The following SYT13 variants were observed in gnomAD, a reference collection of about 807,000 sequenced individuals.
The protein encoded by SYT13 is synaptotagmin-13.
SYT13 carries 21 observed loss-of-function variants against 38.6 expected under a neutral mutation model. The observed-to-expected ratio is 0.54, with a 90% CI of 0.39 to 0.78. The LOEUF (loss-of-function observed/expected upper bound fraction) is 0.78. Ranked by LOEUF, SYT13 falls within the 30% of genes least tolerant of loss-of-function variation. The probability of loss-of-function intolerance (pLI) is 0.00; values close to 1 mark genes in which losing one functional copy is unlikely to be tolerated. For missense variants in SYT13, 495 were observed against 548.7 expected (o/e 0.90, Z 0.98); for synonymous variants, 241 against 237.6 (o/e 1.01, Z -0.13).
chr11:45,271,081 T>TATG (rs1854943836), intron 1 of SYT13, among the ~76,000 whole-genome samples: 1 of 152,176 alleles, frequency 6.6e-6, no homozygotes, highest in South Asian at 2.1e-4. Context: ...ACTAGGTGCT[T>TATG]ATGCTACAAT....
At chr11:45,275,402 A>C (rs1398915300) in intron 1 of SYT13, among the ~76,000 whole-genome samples, 2 of 152,120 alleles carry the variant, frequency 1.3e-5, no homozygotes, top group Non-Finnish European at 2.9e-5. Context: ...ATTCATATTC[A>C]TATATGCAAC....
intron 1 of SYT13, chr11:45,269,260 AG>A (rs1854920528): frequency 3.1e-6 from 1 of 323,396 alleles, no homozygotes; most frequent in Non-Finnish European, 5.7e-6. Flanking sequence ...TGAGAGGAGG[AG>A]GGTGAATGTT....
intron 4 of SYT13, among the ~76,000 whole-genome samples, chr11:45,246,774 A>G (rs1854619374): frequency 6.6e-6 from 1 of 152,192 alleles, no homozygotes; most frequent in African/African-American, 2.4e-5. Context: ...AATCCAACAT[A>G]CAAAACAGAA....
intron 1 of SYT13, among the ~76,000 whole-genome samples, chr11:45,274,247 A>T (rs570765201): frequency 6.6e-6 from 1 of 152,230 alleles, no homozygotes; most frequent in South Asian, 2.1e-4. Context: ...CAAGGCTACA[A>T]TGTGGTGGGA....
In SYT13 at chr11:45,240,814, C is replaced by T. The variant is rs2135879510; in HGVS notation, c.*3238G>A. 6.6e-6 allele frequency: 1 copy of T among 152,328 alleles called. No homozygotes were observed. The highest frequency in any genetic ancestry group is 6.5e-5 in the Admixed American group (1 of 15,304). 9.4% of individuals were successfully genotyped at this position (152,328 alleles called of 1,614,324 possible). A position where few individuals can be genotyped will look rare whatever the true frequency, so the allele number is the denominator to read the frequency against. On this transcript the variant is annotated 3_prime_UTR_variant, in exon 6 of 6. Coordinates refer to ENST00000020926, the MANE Select transcript of SYT13 (RefSeq NM_020826.3). Reference sequence around the variant, plus strand: ...CAGTGCATTCTGAAATGGTCTCTCACCTTATTTTTACCTCTACCTCACACC... The same window carrying T: ...CAGTGCATTCTGAAATGGTCTCTCATCTTATTTTTACCTCTACCTCACACC...
chr11:45,274,598 G>A (rs954087079), intron 1 of SYT13, among the ~76,000 whole-genome samples: 8 of 152,148 alleles, frequency 5.3e-5, no homozygotes, highest in African/African-American at 1.7e-4. Flanking sequence ...GGGTGCAGGG[G>A]GCATTCAGAA....
At position 45,248,802 on chromosome 11, in the gene SYT13, G is replaced by T. The variant is rs1033232749; in HGVS notation, c.847-2290C>A. ...GAGGAGTCAGCACCTGTCAGCCTCT[G>T]CAGGGCTTTTCACTTTTGCATAGGG... On this transcript the variant is annotated intron_variant, in intron 4 of 5. Coordinates refer to ENST00000020926, the MANE Select transcript of SYT13 (RefSeq NM_020826.3). Among the ~76,000 whole-genome samples, 7 of 152,342 alleles carry T rather than the reference G, an allele frequency of 4.6e-5. No individual in the cohort carries two copies. The East Asian group carries it at 1.2e-3, about 25-fold the overall frequency.
chr11:45,247,249 C>T (rs1443469297), intron 4 of SYT13, among the ~76,000 whole-genome samples: 1 of 152,154 alleles, frequency 6.6e-6, no homozygotes, highest in Non-Finnish European at 1.5e-5. Flanking sequence ...AAAGACCCCT[C>T]CTAGGAGGTG....
rs116999783 is a variant in SYT13, at chr11:45,281,349, T to C, written c.183+4676A>G. ...TGTAGAGTTTGATCACATGTGACAG[T>C]GGGTGGCTGGGGATATGGACAGAAG... On this transcript the variant is annotated intron_variant, in intron 1 of 5. Coordinates refer to ENST00000020926, the MANE Select transcript of SYT13 (RefSeq NM_020826.3). 6.5e-3 allele frequency among the ~76,000 whole-genome samples: 991 copies of C among 152,184 alleles called. 6 individuals carry two copies. The highest frequency in any genetic ancestry group is 0.011 in the Non-Finnish European group (716 of 67,998).
chr11:45,261,913 C>CT (rs776350586), intron 1 of SYT13, among the ~76,000 whole-genome samples: 2 of 112,612 alleles, frequency 1.8e-5, no homozygotes, highest in African/African-American at 6.1e-5. Context: ...AAGACCTTGT[C>CT]TCAAAAAAAA....
chr11:45,275,320 G>T lies in SYT13; in HGVS notation c.183+10705C>A, dbSNP rs79105559. On this transcript the variant is annotated intron_variant, in intron 1 of 5. Coordinates refer to ENST00000020926, the MANE Select transcript of SYT13 (RefSeq NM_020826.3). Reference sequence around the variant, plus strand: ...ATGAAATATGTCAAAATATTCTAGGGTCTATGCCAGATGGACTGACTCAAT... The same window carrying T: ...ATGAAATATGTCAAAATATTCTAGGTTCTATGCCAGATGGACTGACTCAAT... Among the ~76,000 whole-genome samples, 357 of 152,260 alleles carry T rather than the reference G, an allele frequency of 2.3e-3. 4 individuals carry two copies. The highest frequency in any genetic ancestry group is 8.1e-3 in the African/African-American group (337 of 41,542).
intron 1 of SYT13, among the ~76,000 whole-genome samples, chr11:45,259,981 T>C (rs1854795839): frequency 6.6e-6 from 1 of 152,254 alleles, no homozygotes; most frequent in South Asian, 2.1e-4. Flanking sequence ...ACTGTTCTTA[T>C]TGTTTAAGCC....
rs574908953 is a variant in SYT13 at position 45,267,292 on chromosome 11, A to G, written c.184-11401T>C. Among the ~76,000 whole-genome samples the G allele has an allele frequency of 7.9e-5, 12 of 152,256 alleles. No homozygotes were observed. In the East Asian group the frequency reaches 2.1e-3, roughly 27 times the overall value. Reference sequence around the variant, plus strand: ...CTCCCATTTCTAGTGAGCCTTGACCATTCCTCCACGTTTCTGTGCCCCTAA... The same window carrying G: ...CTCCCATTTCTAGTGAGCCTTGACCGTTCCTCCACGTTTCTGTGCCCCTAA... On this transcript the variant is annotated intron_variant, in intron 1 of 5. Coordinates refer to ENST00000020926, the MANE Select transcript of SYT13 (RefSeq NM_020826.3).
chr11:45,259,322 A>G (rs2135896013), intron 1 of SYT13, among the ~76,000 whole-genome samples: 1 of 152,304 alleles, frequency 6.6e-6, no homozygotes, highest in South Asian at 2.1e-4. Flanking sequence ...TTTCATCCCA[A>G]TTCAATCGTC....
intron 4 of SYT13, among the ~76,000 whole-genome samples, chr11:45,250,569 AC>A (rs1398544210): frequency 2.0e-5 from 3 of 152,192 alleles, no homozygotes; most frequent in Non-Finnish European, 4.4e-5. Context: ...AAGCTAGTTT[AC>A]TAGTTTAATA....
intron 1 of SYT13, among the ~76,000 whole-genome samples, chr11:45,272,585 G>T (rs1854962365): frequency 6.6e-6 from 1 of 152,196 alleles, no homozygotes; most frequent in South Asian, 2.1e-4. Flanking sequence ...TTTTAAATGA[G>T]ATGCAAACCT....
At chr11:45,277,780 T>C (rs1162769597) in intron 1 of SYT13, among the ~76,000 whole-genome samples, 1 of 152,224 alleles carries the variant, frequency 6.6e-6, no homozygotes, top group Non-Finnish European at 1.5e-5. Flanking sequence ...TCTTGTAAGG[T>C]ACTCTTGTAA....
intron 1 of SYT13, among the ~76,000 whole-genome samples, chr11:45,264,525 C>T (rs1325113186): frequency 6.6e-6 from 1 of 152,166 alleles, no homozygotes; most frequent in Non-Finnish European, 1.5e-5. Flanking sequence ...CTGCCAACAA[C>T]CACAAGAGCA....
In SYT13 at chr11:45,254,187, G is replaced by A. The variant is rs547391566; in HGVS notation, c.544+83C>T. ...TCCTAATCCAGTGCTCTCTCCAGCT[G>A]CAGATGATCCCATCCTGCCTGCACA... On this transcript the variant is annotated intron_variant, in intron 3 of 5. Coordinates refer to ENST00000020926, the MANE Select transcript of SYT13 (RefSeq NM_020826.3). 7 of 1,466,974 alleles carry A rather than the reference G, an allele frequency of 4.8e-6. No homozygotes were observed. The Admixed American group carries it at 1.4e-4, about 28-fold the overall frequency. The allele number at this position is 1,466,974 out of a possible 1,614,324, so 90.9% of individuals were successfully genotyped here. A position where few individuals can be genotyped will look rare whatever the true frequency, so the allele number is the denominator to read the frequency against.
Sources: gnomAD v4.1 joint callset for allele counts (sites outside exome capture counted in the v4.1 genomes callset) on GRCh38, gnomAD v4.1.1 for gene constraint, MANE v1.5 for transcripts, NCBI Gene and HGNC (gene_info 2026-07-23, HGNC 2026-07-21) for gene names.